SLC4A7: variants seen among roughly 807,000 people sequenced by gnomAD.
The protein encoded by SLC4A7 is solute carrier family 4 member 7.
In SLC4A7, 51 loss-of-function variants were observed where a neutral mutation model predicts 137.6. The observed-to-expected ratio is 0.37, with a 90% CI of 0.30 to 0.47. SLC4A7 has a LOEUF of 0.47. Ranked by LOEUF, SLC4A7 falls within the 20% of genes least tolerant of loss-of-function variation. The probability of loss-of-function intolerance (pLI) is 1.00; values close to 1 mark genes in which losing one functional copy is unlikely to be tolerated. For missense variants in SLC4A7, 1,247 were observed against 1,525.4 expected, an observed-to-expected ratio of 0.82 and a Z score of 3.04; for synonymous variants, 542 against 518.6, an observed-to-expected ratio of 1.05 and a Z score of -0.61.
rs773167646 is a variant in SLC4A7 at position 27,436,468 on chromosome 3, CTG to C, written c.507_508del (p.His169GlnfsTer4). On this transcript the variant is annotated frameshift_variant, in exon 5 of 26. Coordinates refer to ENST00000454389, the MANE Select transcript of SLC4A7 (RefSeq NM_001321103.2). LOFTEE classifies it high-confidence loss of function. ...GATGCAACTCCTTAGTTCAAAAAGA[CTG>C]TGCAAAGAGAGAGTTGCCACATAAG... The C allele has an allele frequency of 6.2e-7, 1 of 1,613,464 alleles. No individual in the cohort carries two copies. The highest frequency in any genetic ancestry group is 1.3e-5 in the African/African-American group (1 of 74,908).
chr3:27,388,204 T>C (rs912772150), intron 22 of SLC4A7, among the ~76,000 whole-genome samples: 6 of 152,206 alleles, frequency 3.9e-5, no homozygotes, highest in Admixed American at 6.5e-5. Flanking sequence ...CAAAGTATCA[T>C]TGTCTATCTA....
intron 24 of SLC4A7, among the ~76,000 whole-genome samples, chr3:27,380,433 A>T (rs2050306226): frequency 6.6e-6 from 1 of 152,194 alleles, no homozygotes; most frequent in Non-Finnish European, 1.5e-5. Flanking sequence ...TCCATAAATA[A>T]TTAATTTGGG....
At chr3:27,432,970 T>A (rs2056436899) in intron 6 of SLC4A7, among the ~76,000 whole-genome samples, 1 of 152,216 alleles carries the variant, frequency 6.6e-6, no homozygotes, top group African/African-American at 2.4e-5. Context: ...TAAGATTGCT[T>A]AAATACAACA....
chr3:27,407,148 A>G (rs1360093398), intron 13 of SLC4A7, among the ~76,000 whole-genome samples: 2 of 133,618 alleles, frequency 1.5e-5, no homozygotes, highest in South Asian at 2.3e-4. Context: ...AACTGTTTCT[A>G]TGTTCACTGC....
intron 22 of SLC4A7, among the ~76,000 whole-genome samples, chr3:27,387,792 T>C (rs1284906681): frequency 6.6e-6 from 1 of 152,098 alleles, no homozygotes; most frequent in Non-Finnish European, 1.5e-5. Context: ...GCCAAAGGAA[T>C]GCCAAAGACA....
intron 5 of SLC4A7, among the ~76,000 whole-genome samples, chr3:27,434,669 G>A (rs2056596996): frequency 6.6e-6 from 1 of 152,090 alleles, no homozygotes; most frequent in Admixed American, 6.5e-5. Context: ...GTAAAATCAG[G>A]TTGTGAAAGG....
intron 23 of SLC4A7, 145 bp downstream of exon 23, chr3:27,385,747 A>G: frequency 1.9e-6 from 1 of 538,840 alleles, no homozygotes; most frequent in East Asian, 3.4e-5. Flanking sequence ...AAATGGAGAT[A>G]ACAGCAGTAC....
intron 1 of SLC4A7, among the ~76,000 whole-genome samples, chr3:27,479,146 G>A (rs2059604228): frequency 6.6e-6 from 1 of 152,172 alleles, no homozygotes; most frequent in East Asian, 1.9e-4. Flanking sequence ...AAGATGTAGC[G>A]GCTCACGCCT....
intron 1 of SLC4A7, among the ~76,000 whole-genome samples, chr3:27,478,002 A>G (rs541164563): frequency 2.0e-5 from 3 of 152,334 alleles, no homozygotes; most frequent in Admixed American, 6.5e-5. Context: ...TGTCAAAAGT[A>G]TAACCATTTC....
chr3:27,445,763 C>CAAAAAAA (rs71087607), intron 3 of SLC4A7, among the ~76,000 whole-genome samples: 1 of 99,640 alleles, frequency 1.0e-5, no homozygotes, highest in Non-Finnish European at 1.9e-5. Context: ...ACTAAAAATA[C>CAAAAAAA]AAAAAAAAAA....
At chr3:27,398,412 T>C (rs2052415464) in intron 16 of SLC4A7, 59 bp from the exon 17 acceptor site, 1 of 1,425,540 alleles carries the variant, frequency 7.0e-7, no homozygotes, top group Admixed American at 2.1e-5. Flanking sequence ...CAATAAATTA[T>C]TATGAGCTTC....
intron 1 of SLC4A7, among the ~76,000 whole-genome samples, chr3:27,472,787 G>A (rs980475751): frequency 1.3e-5 from 2 of 152,060 alleles, no homozygotes; most frequent in East Asian, 3.9e-4. Flanking sequence ...TTTCAAAAAC[G>A]AATTGCATCA....
intron 3 of SLC4A7, among the ~76,000 whole-genome samples, chr3:27,442,287 G>A (rs1329022364): frequency 6.6e-6 from 1 of 152,070 alleles, no homozygotes; most frequent in Non-Finnish European, 1.5e-5. Flanking sequence ...AATAGATCTT[G>A]TATATCTTTA....
intron 1 of SLC4A7, among the ~76,000 whole-genome samples, chr3:27,457,276 A>G (rs1333259813): frequency 1.3e-5 from 2 of 152,176 alleles, no homozygotes; most frequent in Non-Finnish European, 2.9e-5. Context: ...ACATGTTAAT[A>G]TACATAACAT....
chr3:27,397,172 C>T (rs192136486), intron 18 of SLC4A7, among the ~76,000 whole-genome samples: 148 of 152,180 alleles, frequency 9.7e-4, no homozygotes, highest in African/African-American at 3.4e-3. Context: ...GGATTACAGG[C>T]GCCCGCCACC....
Position 27,400,279 on chromosome 3 carries a change from G to A in SLC4A7, c.2427+485C>T, listed in dbSNP as rs757433235. On this transcript the variant is annotated intron_variant, in intron 16 of 25. Transcript: ENST00000454389. ...TTTCCTTTCTCTTCCCTTAATGTTC[G>A]ACCCAGACTAGTCTTGATGAGTTAG... 5.3e-4 allele frequency among the ~76,000 whole-genome samples: 80 copies of A among 151,976 alleles called. 1 individual carries two copies. The highest frequency in any genetic ancestry group is 3.9e-4 in the Admixed American group (6 of 15,246).
rs2052001616 is a variant in SLC4A7, at chr3:27,395,118, G to A, written c.2704-3C>T. The stretch of plus-strand genomic sequence containing the variant: ...CACCCTCTCTCTGGATGAGTAGGCT[G>A]TTAAAAAATTAAATATAATTTTCAA... On this transcript the variant is annotated splice_polypyrimidine_tract_variant and splice_region_variant and intron_variant, in intron 18 of 25. Coordinates refer to ENST00000454389, the MANE Select transcript of SLC4A7 (RefSeq NM_001321103.2). 2 of 1,563,484 alleles carry A rather than the reference G, an allele frequency of 1.3e-6. No homozygotes were observed. Among genetic ancestry groups the A allele is most frequent in the Admixed American group, 2.2e-5 (1 of 46,454 alleles).
At chr3:27,383,087 A>G (rs2050584040) in intron 24 of SLC4A7, 66 bp downstream of exon 24, 2 of 903,266 alleles carry the variant, frequency 2.2e-6, no homozygotes, top group South Asian at 2.8e-5. Flanking sequence ...TTAAAGAAGC[A>G]TTATATGACT....
chr3:27,472,110 A>G (rs553821314), intron 1 of SLC4A7, among the ~76,000 whole-genome samples: 1 of 152,322 alleles, frequency 6.6e-6, no homozygotes, highest in African/African-American at 2.4e-5. Context: ...ACCATAACAA[A>G]GAAAGCACTG....
Sources: allele counts gnomAD v4.1 joint callset (sites outside exome capture counted in the v4.1 genomes callset), GRCh38; gene constraint gnomAD v4.1.1; transcripts MANE v1.5; gene names NCBI Gene and HGNC (gene_info 2026-07-23, HGNC 2026-07-21).